Variants in TNIK observed in about 807,000 individuals in gnomAD.
TNIK encodes TRAF2 and NCK-interacting protein kinase.
TNIK carries 49 observed loss-of-function variants against 191.3 expected under a neutral mutation model. The ratio of observed to expected loss-of-function variants is 0.26; its 90% CI spans 0.20 to 0.32. The LOEUF (loss-of-function observed/expected upper bound fraction) is 0.32. Among genes scored for constraint, TNIK ranks in the 10% least tolerant of loss-of-function variants. TNIK has a pLI of 1.00. For synonymous variants in TNIK, 594 were observed against 600.9 expected (o/e 0.99, Z 0.17); for missense variants, 1,155 against 1,702.3 (o/e 0.68, Z 5.66).
Position 171,140,436 on chromosome 3 carries a change from C to T in TNIK, c.1295G>A (p.Arg432His), listed in dbSNP as rs61746363. ...EQRRHYEEQM[R>H]REEERRRAEH... ...CGCACGCCTCCTCTCCTCCTCCCGG[C>T]GCATCTGCTCCTCATAGTGCCGGCG... is the stretch of plus-strand genomic sequence containing the variant. The change falls in exon 13 of 33, where the codon CGC becomes CAC. Residue 432 changes from arginine to histidine, a missense_variant. Around this residue, in one of 3 missense-constraint regions of TNIK, gnomAD observed 735 missense variants for 848.0 expected, o/e 0.87. Transcript: ENST00000436636. The T allele has an allele frequency of 3.4e-5, 54 of 1,608,956 alleles. No homozygotes were observed. The highest frequency in any genetic ancestry group is 1.7e-4 in the Middle Eastern group (1 of 6,030).
intron 1 of TNIK, among the ~76,000 whole-genome samples, chr3:171,438,090 T>G (rs1443114276): frequency 6.6e-6 from 1 of 152,240 alleles, no homozygotes; most frequent in East Asian, 1.9e-4. Flanking sequence ...AAAATTCACC[T>G]GTGTCTCATT....
At chr3:171,438,698 T>C (rs1158428560) in intron 1 of TNIK, among the ~76,000 whole-genome samples, 1 of 152,182 alleles carries the variant, frequency 6.6e-6, no homozygotes, top group Non-Finnish European at 1.5e-5. Flanking sequence ...CCAGGGGACC[T>C]AGATGATGAA....
chr3:171,426,430 A>C (rs1028699627), intron 1 of TNIK, among the ~76,000 whole-genome samples: 33 of 148,262 alleles, frequency 2.2e-4, no homozygotes, highest in African/African-American at 7.9e-4. Context: ...GGGGAGGGAT[A>C]GCATTAGGAG....
chr3:171,431,862 C>A (rs1460469495), intron 1 of TNIK, among the ~76,000 whole-genome samples: 1 of 152,208 alleles, frequency 6.6e-6, no homozygotes, highest in Non-Finnish European at 1.5e-5. Flanking sequence ...TACATCCTGC[C>A]TTTTGGCAAA....
intron 2 of TNIK, among the ~76,000 whole-genome samples, chr3:171,259,975 C>T (rs1051841892): frequency 3.3e-5 from 5 of 152,162 alleles, no homozygotes; most frequent in Admixed American, 3.3e-4. Context: ...TGAATCTCCT[C>T]CTAGGCCCAT....
chr3:171,367,753 A>C (rs1213031302), intron 2 of TNIK, among the ~76,000 whole-genome samples: 8 of 152,146 alleles, frequency 5.3e-5, no homozygotes, highest in Non-Finnish European at 1.0e-4. Context: ...TACAGGCGTG[A>C]GCCACCGCAC....
At chr3:171,239,106 A>G (rs1317678567) in intron 2 of TNIK, among the ~76,000 whole-genome samples, 2 of 152,200 alleles carry the variant, frequency 1.3e-5, no homozygotes, top group Non-Finnish European at 2.9e-5. Context: ...AGAATATCCT[A>G]TTTTCATTTT....
At chr3:171,243,091 G>A (rs573007400) in intron 2 of TNIK, among the ~76,000 whole-genome samples, 3 of 152,296 alleles carry the variant, frequency 2.0e-5, no homozygotes, top group African/African-American at 7.2e-5. Flanking sequence ...TTTTCATGAA[G>A]AAGAGAAATA....
At chr3:171,093,763 A>T in intron 23 of TNIK, 76 bp downstream of exon 23, 1 of 1,573,822 alleles carries the variant, frequency 6.4e-7, no homozygotes. Flanking sequence ...TGCCATAGGC[A>T]TTCTCTGTGA....
At chr3:171,074,719 A>G (rs1719671034) in intron 28 of TNIK, among the ~76,000 whole-genome samples, 1 of 152,156 alleles carries the variant, frequency 6.6e-6, no homozygotes, top group South Asian at 2.1e-4. Flanking sequence ...TTCTCATTTT[A>G]TATTTTTAAA....
chr3:171,283,660 G>T (rs73171579), intron 2 of TNIK, among the ~76,000 whole-genome samples: 1 of 152,292 alleles, frequency 6.6e-6, no homozygotes, highest in Non-Finnish European at 1.5e-5. Flanking sequence ...CCAGGGCTGT[G>T]GAGAGGTCGG....
chr3:171,204,338 G>A (rs1293381552), intron 4 of TNIK, among the ~76,000 whole-genome samples: 1 of 152,164 alleles, frequency 6.6e-6, no homozygotes, highest in African/African-American at 2.4e-5. Context: ...GATAGGATTC[G>A]TACAGATTAT....
At chr3:171,239,409 A>G (rs544827348) in intron 2 of TNIK, among the ~76,000 whole-genome samples, 26 of 152,374 alleles carry the variant, frequency 1.7e-4, no homozygotes, top group African/African-American at 6.3e-4. Flanking sequence ...AATTTTTTAG[A>G]AAAAATAAAT....
intron 2 of TNIK, among the ~76,000 whole-genome samples, chr3:171,327,637 G>A (rs1755925053): frequency 6.6e-6 from 1 of 152,066 alleles, no homozygotes; most frequent in Non-Finnish European, 1.5e-5. Context: ...CAGTAGCTCT[G>A]GAGTCTGCAG....
At chr3:171,101,143 C>T (rs535013366) in intron 22 of TNIK, among the ~76,000 whole-genome samples, 1 of 152,150 alleles carries the variant, frequency 6.6e-6, no homozygotes, top group South Asian at 2.1e-4. Context: ...TATCAATGGT[C>T]TGGTTGTCGA....
chr3:171,372,717 G>A (rs773367664), intron 1 of TNIK, among the ~76,000 whole-genome samples: 6 of 152,140 alleles, frequency 3.9e-5, no homozygotes, highest in Non-Finnish European at 5.9e-5. Flanking sequence ...TCAGATGAAC[G>A]TCATCCCTAG....
rs139760823 is a variant in TNIK at position 171,324,486 on chromosome 3, T to TGA, written c.123+45132_123+45133dup. ...TGTTATTTTCATACAAATGGCTGAG[T>TGA]GAGCCCTGTTGTATCTGACACTATC... On this transcript the variant is annotated intron_variant, in intron 2 of 32. Transcript: ENST00000436636. 3.1e-3 allele frequency among the ~76,000 whole-genome samples: 475 copies of TGA among 152,200 alleles called. 5 individuals carry two copies. Among genetic ancestry groups the TGA allele is most frequent in the Admixed American group, 0.025 (381 of 15,288 alleles).
chr3:171,288,461 T>C (rs572266023), intron 2 of TNIK, among the ~76,000 whole-genome samples: 1 of 152,308 alleles, frequency 6.6e-6, no homozygotes, highest in East Asian at 1.9e-4. Flanking sequence ...CCATAAGGGC[T>C]GGTGGCATGA....
At chr3:171,286,674 A>C (rs577528738) in intron 2 of TNIK, among the ~76,000 whole-genome samples, 1 of 152,306 alleles carries the variant, frequency 6.6e-6, no homozygotes, top group Non-Finnish European at 1.5e-5. Flanking sequence ...TGTAAATTGA[A>C]ACATAAAACT....
Sources: gnomAD v4.1 joint callset for allele counts (sites outside exome capture counted in the v4.1 genomes callset) on GRCh38, gnomAD v4.1.1 for gene constraint, gnomAD v4.1.1 regional missense constraint, MANE v1.5 for transcripts, NCBI Gene and HGNC (gene_info 2026-07-23, HGNC 2026-07-21) for gene names.